Variants in SPATS2L observed in about 807,000 individuals in gnomAD.
SPATS2L encodes SPATS2-like protein.
Under a neutral mutation model 59.6 loss-of-function variants are expected in SPATS2L, and 30 were observed. The observed-to-expected ratio is 0.50, with a 90% CI of 0.38 to 0.68. The LOEUF (loss-of-function observed/expected upper bound fraction) is 0.68. Ranked by LOEUF, SPATS2L falls within the 30% of genes least tolerant of loss-of-function variation. SPATS2L has a pLI of 0.00. For missense variants in SPATS2L, 615 were observed against 700.0 expected, an observed-to-expected ratio of 0.88 and a Z score of 1.37; for synonymous variants, 252 against 263.5, an observed-to-expected ratio of 0.96 and a Z score of 0.42.
chr2:200,315,883 G>A (rs1047471199), intron 1 of SPATS2L, among the ~76,000 whole-genome samples: 1 of 142,800 alleles, frequency 7.0e-6, no homozygotes, highest in African/African-American at 2.5e-5. Context: ...AAAAGAGCCT[G>A]GCATGGTGGT....
At chr2:200,403,920 C>G (rs1168501028) in intron 3 of SPATS2L, among the ~76,000 whole-genome samples, 1 of 152,206 alleles carries the variant, frequency 6.6e-6, no homozygotes, top group African/African-American at 2.4e-5. Context: ...TTCTAAAACT[C>G]TCACGCAGAG....
At chr2:200,401,756 C>T (rs2082535603) in intron 3 of SPATS2L, among the ~76,000 whole-genome samples, 1 of 152,070 alleles carries the variant, frequency 6.6e-6, no homozygotes, top group South Asian at 2.1e-4. Context: ...GAGTGGGGCT[C>T]AGGTTTAGCT....
At chr2:200,439,028 TA>T in intron 6 of SPATS2L, 93 bp from the exon 7 acceptor site, 1 of 1,040,356 alleles carries the variant, frequency 9.6e-7, no homozygotes, top group Non-Finnish European at 1.5e-6. Flanking sequence ...TGCCAATATG[TA>T]AACAAAAACA....
chr2:200,477,515 TAAAAAAAA>T (rs59073895), intron 12 of SPATS2L, 113 bp from the exon 13 acceptor site: 5,519 of 300,146 alleles, frequency 0.018, no homozygotes, highest in Middle Eastern at 0.023. Flanking sequence ...TTCTGGTGTA[TAAAAAAAA>T]AAAAAAAAAA....
rs776803024 is a variant in SPATS2L at position 200,477,786 on chromosome 2, G to T, written c.1432G>T (p.Gly478Cys). Residue 478 changes from glycine (G) to cysteine (C), a missense_variant, in exon 13 of 13, where the codon GGC (glycine) becomes TGC (cysteine). This residue lies in a region of SPATS2L where 284 missense variants were observed against 280.1 expected (regional missense o/e 1.01). Coordinates refer to ENST00000409140, the MANE Select transcript of SPATS2L (RefSeq NM_001100423.2). ...RHEHRRQPHN[G>C]FRPKNKGGAK... ...CGAACACAGAAGACAGCCGCACAAC[G>T]GCTTCCGGCCCAAAAACAAAGGCGG... 1.3e-6 allele frequency: 2 copies of T among 1,577,806 alleles called. No individual in the cohort carries two copies. Among genetic ancestry groups the T allele is most frequent in the South Asian group, 2.3e-5 (2 of 86,334 alleles).
chr2:200,387,166 G>A (rs747327125), intron 2 of SPATS2L, among the ~76,000 whole-genome samples: 27 of 152,178 alleles, frequency 1.8e-4, no homozygotes, highest in Non-Finnish European at 3.5e-4. Context: ...AATAAAATTC[G>A]AGTGTTATTT....
At chr2:200,423,708 C>G (rs956372288) in intron 6 of SPATS2L, among the ~76,000 whole-genome samples, 1 of 152,180 alleles carries the variant, frequency 6.6e-6, no homozygotes, top group African/African-American at 2.4e-5. Flanking sequence ...TAAAAGAAAT[C>G]GCCAGGCTAC....
chr2:200,409,253 C>A (rs1032097306), intron 3 of SPATS2L, among the ~76,000 whole-genome samples: 1 of 152,216 alleles, frequency 6.6e-6, no homozygotes, highest in Admixed American at 6.5e-5. Flanking sequence ...CAGGAGCATC[C>A]GTCCTCAGAA....
chr2:200,364,545 C>A (rs996764709), intron 2 of SPATS2L, among the ~76,000 whole-genome samples: 5 of 152,122 alleles, frequency 3.3e-5, no homozygotes, highest in African/African-American at 1.2e-4. Flanking sequence ...TTTAAGGGGA[C>A]TTTGAAGTCT....
intron 2 of SPATS2L, among the ~76,000 whole-genome samples, chr2:200,340,273 G>T (rs917352422): frequency 3.3e-5 from 5 of 152,094 alleles, no homozygotes; most frequent in African/African-American, 1.2e-4. Flanking sequence ...GTCTTCTTAT[G>T]GCTGGTATGT....
In SPATS2L at chr2:200,389,223, G is replaced by A. The variant is rs2082094503; in HGVS notation, c.-22G>A. 6.4e-7 allele frequency: 1 copy of A among 1,560,764 alleles called. No individual in the cohort carries two copies. The highest frequency in any genetic ancestry group is 8.7e-7 in the Non-Finnish European group (1 of 1,146,426). ...TTAATCTTGTTTTCCTTCTTTATAG[G>A]GCCTATTCCACTAGAAGCAAGATGG... On this transcript the variant is annotated splice_region_variant and 5_prime_UTR_variant, in exon 3 of 13. Coordinates refer to ENST00000409140, the MANE Select transcript of SPATS2L (RefSeq NM_001100423.2).
At chr2:200,425,426 C>T (rs2083511768) in intron 6 of SPATS2L, among the ~76,000 whole-genome samples, 1 of 152,130 alleles carries the variant, frequency 6.6e-6, no homozygotes, top group African/African-American at 2.4e-5. Flanking sequence ...GGAAGCAATA[C>T]AATATCACAG....
chr2:200,450,344 C>T (rs1166657311), intron 8 of SPATS2L, among the ~76,000 whole-genome samples: 1 of 152,132 alleles, frequency 6.6e-6, no homozygotes, highest in Admixed American at 6.5e-5. Context: ...TCCCTTCCAA[C>T]TTTCTGTTTA....
At chr2:200,389,111 T>C (rs2082090868) in intron 2 of SPATS2L, 112 bp from the exon 3 acceptor site, 3 of 656,688 alleles carry the variant, frequency 4.6e-6, no homozygotes, top group Admixed American at 3.0e-5. Flanking sequence ...CATTCTAAAA[T>C]GATATTTATG....
intron 6 of SPATS2L, among the ~76,000 whole-genome samples, 151 bp downstream of exon 6, chr2:200,419,647 G>A (rs1435582767): frequency 1.3e-5 from 2 of 152,014 alleles, no homozygotes; most frequent in Admixed American, 6.6e-5. Flanking sequence ...AGGATTGGGG[G>A]TGAAGGGGAA....
chr2:200,428,840 G>A (rs1162362401), intron 6 of SPATS2L, among the ~76,000 whole-genome samples: 1 of 151,864 alleles, frequency 6.6e-6, no homozygotes, highest in African/African-American at 2.4e-5. Flanking sequence ...TTTCCTGTTG[G>A]TTTTCATTTC....
At chr2:200,401,668 T>G (rs1311759104) in intron 3 of SPATS2L, among the ~76,000 whole-genome samples, 2 of 152,162 alleles carry the variant, frequency 1.3e-5, no homozygotes, top group African/African-American at 4.8e-5. Flanking sequence ...TCACTCACGG[T>G]TCTCAATTCT....
At chr2:200,422,963 G>C (rs1367556433) in intron 6 of SPATS2L, among the ~76,000 whole-genome samples, 2 of 152,142 alleles carry the variant, frequency 1.3e-5, no homozygotes, top group African/African-American at 4.8e-5. Context: ...CCTGCATGAT[G>C]AGATGCGATG....
At chr2:200,463,725 A>G (rs1381234866) in intron 9 of SPATS2L, among the ~76,000 whole-genome samples, 1 of 152,246 alleles carries the variant, frequency 6.6e-6, no homozygotes, top group Non-Finnish European at 1.5e-5. Context: ...GGAAGAAAAC[A>G]TTACTTTGTA....
Sources: allele counts gnomAD v4.1 joint callset (sites outside exome capture counted in the v4.1 genomes callset), GRCh38; gene constraint gnomAD v4.1.1; regional missense constraint gnomAD v4.1.1; transcripts MANE v1.5; gene names NCBI Gene and HGNC (gene_info 2026-07-23, HGNC 2026-07-21).